HIVEP1: variants seen among roughly 807,000 people sequenced by gnomAD.
HIVEP1 encodes the protein zinc finger protein 40.
HIVEP1 carries 36 observed loss-of-function variants against 180.0 expected under a neutral mutation model. The observed-to-expected ratio is 0.20, with a 90% confidence interval of 0.15 to 0.26. The LOEUF is 0.26. HIVEP1 is among the 10% of genes least tolerant of loss of function. The pLI is 1.00. For synonymous variants in HIVEP1, 1,239 were observed against 1,239.0 expected, an observed-to-expected ratio of 1.00 and a Z score of 0.00; for missense variants, 3,143 against 3,268.7, an observed-to-expected ratio of 0.96 and a Z score of 0.94.
In HIVEP1 at chr6:12,123,013, A is replaced by G. The variant is rs1171758584; in HGVS notation, c.3218A>G (p.His1073Arg). 3 of 1,614,218 alleles carry G rather than the reference A, an allele frequency of 1.9e-6. No homozygotes were observed. The highest frequency in any genetic ancestry group is 1.7e-5 in the Admixed American group (1 of 60,030). The change falls in exon 4 of 9, where the codon CAT becomes CGT. Residue 1073 changes from histidine (H) to arginine (R), a missense_variant. By Grantham distance (29) the His-to-Arg change is conservative. Around this residue, in one of 12 missense-constraint regions of HIVEP1, gnomAD observed 1,357 missense variants for 1,260.5 expected, o/e 1.08. Coordinates refer to ENST00000379388, the MANE Select transcript of HIVEP1 (RefSeq NM_002114.4). ...ALGCNPSLPK[H>R]NVTIRSDQQH... ...GGCTGTAATCCCAGTTTGCCTAAACATAATGTTACCATAAGAAGTGACCAG... is the reference window on the plus strand; with the variant it reads ...GGCTGTAATCCCAGTTTGCCTAAACGTAATGTTACCATAAGAAGTGACCAG...
intron 3 of HIVEP1, among the ~76,000 whole-genome samples, chr6:12,107,628 C>T (rs188532592): frequency 9.9e-5 from 15 of 152,130 alleles, no homozygotes; most frequent in African/African-American, 2.7e-4. Context: ...TTCGTGGTCT[C>T]GCTGGCTCAG....
intron 2 of HIVEP1, among the ~76,000 whole-genome samples, chr6:12,053,330 T>C (rs1296448949): frequency 6.6e-6 from 1 of 150,896 alleles, no homozygotes; most frequent in African/African-American, 2.4e-5. Flanking sequence ...TGTCAATTTG[T>C]GGTTTGTTTA....
chr6:12,137,700 G>A (rs1758780374), intron 7 of HIVEP1, among the ~76,000 whole-genome samples: 1 of 151,606 alleles, frequency 6.6e-6, no homozygotes, highest in Admixed American at 6.6e-5. Context: ...CTGTGCTAGA[G>A]ACCTAACATT....
chr6:12,170,629 A>G, the HIVEP1 span, among the ~76,000 whole-genome samples: 2 of 152,202 alleles, frequency 1.3e-5, no homozygotes, highest in Non-Finnish European at 2.9e-5. Flanking sequence ...AGACCAAGGG[A>G]ATAAACCACA....
the HIVEP1 span, among the ~76,000 whole-genome samples, chr6:12,203,757 G>A: frequency 6.4e-3 from 978 of 152,296 alleles, 2 homozygotes; most frequent in Non-Finnish European, 0.01. Context: ...AGTTTCACGT[G>A]GATCTTGGTA....
intron 7 of HIVEP1, among the ~76,000 whole-genome samples, chr6:12,136,719 G>T (rs192225240): frequency 6.6e-6 from 1 of 152,222 alleles, no homozygotes; most frequent in East Asian, 1.9e-4. Context: ...TTATTATTCC[G>T]AAAAGGTTAA....
chr6:12,107,332 AT>A (rs763672256), intron 3 of HIVEP1, among the ~76,000 whole-genome samples: 18 of 152,268 alleles, frequency 1.2e-4, no homozygotes, highest in Non-Finnish European at 2.5e-4. Context: ...AATTTAAAAA[AT>A]ATTGCCAAAA....
chr6:12,200,572 G>T, the HIVEP1 span, among the ~76,000 whole-genome samples: 1 of 152,186 alleles, frequency 6.6e-6, no homozygotes, highest in African/African-American at 2.4e-5. Flanking sequence ...CTTTGAAAAA[G>T]CCTAGAGCCT....
the HIVEP1 span, among the ~76,000 whole-genome samples, chr6:12,191,409 G>C: frequency 2.0e-5 from 3 of 152,082 alleles, no homozygotes; most frequent in Admixed American, 2.0e-4. Flanking sequence ...GGGCAACACG[G>C]GGAGACCCCA....
rs1459664540 is a variant in HIVEP1, at chr6:12,163,605, T to C, written c.7301T>C (p.Val2434Ala). 6.2e-7 allele frequency: 1 copy of C among 1,614,038 alleles called. No individual in the cohort carries two copies. ...CTCACGATCCCTGCTGTCAGTGTCG[T>C]TCACAGAACTTTGGGTACTCATAGG... ...VQLTIPAVSV[V>A]HRTLGTHRNT... The change falls in exon 9 of 9, where the codon GTT (valine) becomes GCT (alanine). Residue 2434 changes from valine to alanine, a missense_variant. By Grantham distance (64) the Val-to-Ala change is moderately conservative. Around this residue, in one of 12 missense-constraint regions of HIVEP1, gnomAD observed 595 missense variants for 602.2 expected, o/e 0.99. Coordinates refer to ENST00000379388, the MANE Select transcript of HIVEP1 (RefSeq NM_002114.4).
intron 2 of HIVEP1, among the ~76,000 whole-genome samples, chr6:12,078,719 C>CACACACACACACACACACATATATATAT (rs758199591): frequency 6.8e-6 from 1 of 146,356 alleles, no homozygotes; most frequent in African/African-American, 2.5e-5. Flanking sequence ...CACACACACA[C>CACACACACACACACACACATATATATAT]ATATATATAT....
chr6:12,090,038 A>T (rs899945531), intron 3 of HIVEP1, among the ~76,000 whole-genome samples: 1 of 152,118 alleles, frequency 6.6e-6, no homozygotes, highest in African/African-American at 2.4e-5. Context: ...AAAATTAAAA[A>T]CTTGAAAGGA....
At chr6:12,076,971 T>A (rs1249513779) in intron 2 of HIVEP1, among the ~76,000 whole-genome samples, 3 of 152,114 alleles carry the variant, frequency 2.0e-5, no homozygotes, top group Non-Finnish European at 2.9e-5. Context: ...TAGAGTAAGT[T>A]TTCCGTAGAG....
At chr6:12,167,613 T>G (rs993974853), downstream of HIVEP1, among the ~76,000 whole-genome samples, 1 of 103,572 alleles carries the variant, frequency 9.7e-6, no homozygotes, top group Non-Finnish European at 2.1e-5. Flanking sequence ...CATGTTATAT[T>G]ACATGTATAT....
At chr6:12,070,689 A>G (rs1161986701) in intron 2 of HIVEP1, among the ~76,000 whole-genome samples, 1 of 152,218 alleles carries the variant, frequency 6.6e-6, no homozygotes, top group Non-Finnish European at 1.5e-5. Context: ...GTCACTATCC[A>G]TATTTCTACA....
Position 12,042,143 on chromosome 6 carries a change from A to G in HIVEP1, c.40+26475A>G, listed in dbSNP as rs535125548. Among the ~76,000 whole-genome samples, 63 of 143,806 alleles carry G rather than the reference A, an allele frequency of 4.4e-4. 1 individual carries two copies. Among genetic ancestry groups the G allele is most frequent in the Middle Eastern group, 3.9e-3 (1 of 258 alleles). The allele number at this position is 143,806 out of a possible 152,430, so 94.3% of individuals were successfully genotyped here. On this transcript the variant is annotated intron_variant, in intron 2 of 8. Transcript: ENST00000379388. ...GCGGGACTGCGGACTGCAGTGGCGCAATCTCGGCTCACTGCAAGCTCCGCT... is the reference window on the plus strand; with the variant it reads ...GCGGGACTGCGGACTGCAGTGGCGCGATCTCGGCTCACTGCAAGCTCCGCT...
chr6:12,167,890 G>C (rs1024964630), downstream of HIVEP1, among the ~76,000 whole-genome samples: 1 of 141,314 alleles, frequency 7.1e-6, no homozygotes, highest in African/African-American at 2.6e-5. Context: ...ATGTATAGAT[G>C]TGCGTATATA....
Position 12,164,175 on chromosome 6 carries a change from A to C in HIVEP1, c.7871A>C (p.His2624Pro). 1 of 1,614,200 alleles carries C rather than the reference A, an allele frequency of 6.2e-7. No homozygotes were observed. Among genetic ancestry groups the C allele is most frequent in the Non-Finnish European group, 8.5e-7 (1 of 1,180,036 alleles). ...AATCCACCTGCCCCTGCAGGTGACC[A>C]TGCAAGGCTTGATGGCCTGAGTAAA... is the stretch of plus-strand genomic sequence containing the variant. ...VLNPPAPAGD[H>P]ARLDGLSKMD... is the part of the protein sequence containing the mutation. Residue 2624 changes from histidine to proline, a missense_variant, in exon 9 of 9, where the codon CAT becomes CCT. By Grantham distance (77) the His-to-Pro change is moderately conservative. Coordinates refer to ENST00000379388, the MANE Select transcript of HIVEP1 (RefSeq NM_002114.4).
intron 2 of HIVEP1, among the ~76,000 whole-genome samples, chr6:12,015,940 G>T (rs1486596923): frequency 6.6e-6 from 1 of 152,146 alleles, no homozygotes; most frequent in Non-Finnish European, 1.5e-5. Flanking sequence ...GTTGCTATTT[G>T]TTAATAGGAA....
Sources: allele counts gnomAD v4.1 joint callset (sites outside exome capture counted in the v4.1 genomes callset), GRCh38; gene constraint gnomAD v4.1.1; regional missense constraint gnomAD v4.1.1; transcripts MANE v1.5; gene names NCBI Gene and HGNC (gene_info 2026-07-23, HGNC 2026-07-21).